The following GPR89B variants were observed in gnomAD, a reference collection of about 807,000 sequenced individuals.
GPR89B encodes G protein-coupled receptor 89B.
A neutral mutation model predicts 52.4 loss-of-function variants in GPR89B; 25 were observed. The observed-to-expected ratio is 0.48, with a 90% CI of 0.35 to 0.67. The LOEUF (loss-of-function observed/expected upper bound fraction) is 0.67, where lower values mean the gene tolerates loss of function less well. Ranked by LOEUF, GPR89B falls within the 30% of genes least tolerant of loss-of-function variation. The pLI is 0.01. For missense variants in GPR89B, 146 were observed against 450.2 expected, an observed-to-expected ratio of 0.32 and a Z score of 6.11; for synonymous variants, 52 against 151.2, an observed-to-expected ratio of 0.34 and a Z score of 4.81.
the GPR89B span, chr1:148,014,417 A>C: frequency 4.0e-5 from 6 of 151,256 alleles, no homozygotes; most frequent in Non-Finnish European, 7.4e-5. Flanking sequence ...GCATGTCAGG[A>C]GAGTGAGTGC....
chr1:147,957,696 C>T (rs2149063961), intron 7 of GPR89B, among the ~76,000 whole-genome samples: 1 of 151,644 alleles, frequency 6.6e-6, no homozygotes, highest in East Asian at 1.9e-4. Context: ...TTTCACATTT[C>T]ATATTTCCTT....
intron 7 of GPR89B, among the ~76,000 whole-genome samples, chr1:147,959,123 A>G (rs1656348699): frequency 6.6e-6 from 1 of 152,186 alleles, no homozygotes; most frequent in African/African-American, 2.4e-5. Flanking sequence ...CCATAGTGAG[A>G]TGACATACAA....
At chr1:147,959,668 C>T (rs1278022815) in intron 7 of GPR89B, among the ~76,000 whole-genome samples, 13 of 152,048 alleles carry the variant, frequency 8.5e-5, no homozygotes, top group Non-Finnish European at 1.6e-4. Context: ...TATCCAAAAT[C>T]TCAGTATAAA....
Position 147,949,320 on chromosome 1 carries a change from C to T in GPR89B, c.416-4025C>T, listed in dbSNP as rs587616162. ...GGTGGCTGGGCAGAGGGGCTCCTCA[C>T]TTCCCAGTAGGGGCGGCCGGGCAGA... On this transcript the variant is annotated intron_variant, in intron 5 of 13. Coordinates refer to ENST00000314163, the MANE Select transcript of GPR89B (RefSeq NM_016334.5). 3.0e-3 allele frequency among the ~76,000 whole-genome samples: 450 copies of T among 150,504 alleles called. 4 individuals carry two copies. Among genetic ancestry groups the T allele is most frequent in the Non-Finnish European group, 4.3e-3 (290 of 67,760 alleles).
chr1:147,935,702 C>A (rs1407079157), intron 1 of GPR89B, among the ~76,000 whole-genome samples: 1 of 152,050 alleles, frequency 6.6e-6, no homozygotes, highest in Non-Finnish European at 1.5e-5. Flanking sequence ...GTCTCAACTC[C>A]TCTCCCCTGA....
At chr1:147,998,863 A>G in the GPR89B span, among the ~76,000 whole-genome samples, 1 of 145,898 alleles carries the variant, frequency 6.9e-6, no homozygotes, top group Non-Finnish European at 1.5e-5. Flanking sequence ...CTTGGACAAC[A>G]GCGGGAGACT....
chr1:147,936,516 C>T, intron 1 of GPR89B, 111 bp from the exon 2 acceptor site: 1 of 716,822 alleles, frequency 1.4e-6, no homozygotes. Flanking sequence ...ATCTTTAATC[C>T]CTGAAATAAG....
intron 5 of GPR89B, among the ~76,000 whole-genome samples, chr1:147,950,946 TGGGGAGAGGGAGATG>T (rs1226657553): frequency 1.0e-4 from 15 of 150,666 alleles, no homozygotes; most frequent in Middle Eastern, 6.8e-3. Context: ...AGGGAGACCG[TGGGGAGAGGGAGATG>T]GGGGAGAGGG....
the GPR89B span, chr1:148,021,867 C>G: frequency 6.8e-6 from 1 of 147,024 alleles, no homozygotes; most frequent in Non-Finnish European, 1.5e-5. Context: ...AGGAAAGCCC[C>G]GCGATCATCC....
intron 5 of GPR89B, among the ~76,000 whole-genome samples, chr1:147,952,255 C>A (rs1358951068): frequency 6.6e-6 from 1 of 151,966 alleles, no homozygotes; most frequent in Non-Finnish European, 1.5e-5. Context: ...TTTGAGGCAG[C>A]AAAACATGGG....
intron 10 of GPR89B, among the ~76,000 whole-genome samples, chr1:147,981,318 G>GACACACACACACACACACACACAC (rs1189035337): frequency 6.7e-5 from 10 of 149,264 alleles, no homozygotes; most frequent in African/African-American, 2.5e-4. Context: ...CTCCCTCCCC[G>GACACACACACACACACACACACAC]ACACACACAC....
At chr1:147,969,456 A>G (rs1657263842) in intron 9 of GPR89B, 1 of 196,542 alleles carries the variant, frequency 5.1e-6, no homozygotes, top group African/African-American at 2.4e-5. Flanking sequence ...GCAAACTTTT[A>G]ATTCTTTTTG....
rs587773581 is a variant in GPR89B, at chr1:147,949,996, G to A, written c.416-3349G>A. Among the ~76,000 whole-genome samples the A allele has an allele frequency of 2.4e-3, 352 of 144,160 alleles. 7 individuals carry two copies. Among genetic ancestry groups the A allele is most frequent in the African/African-American group, 8.1e-3 (308 of 37,798 alleles). 94.6% of individuals were successfully genotyped at this position (144,160 alleles called of 152,430 possible). A position where few individuals can be genotyped will look rare whatever the true frequency, so the allele number is the denominator to read the frequency against. On this transcript the variant is annotated intron_variant, in intron 5 of 13. Coordinates refer to ENST00000314163, the MANE Select transcript of GPR89B (RefSeq NM_016334.5). ...GGGCTGACCCCCCCACCTCCCTCCC[G>A]GACGGGGCGGCTGGCCGGGCGGGGG...
chr1:147,959,880 A>G (rs1410135899), intron 7 of GPR89B, among the ~76,000 whole-genome samples: 11 of 151,178 alleles, frequency 7.3e-5, no homozygotes, highest in Non-Finnish European at 1.0e-4. Flanking sequence ...AGTTTGGATG[A>G]CAGAAAGTGA....
chr1:147,952,601 A>G (rs1449776092), intron 5 of GPR89B, among the ~76,000 whole-genome samples: 20 of 152,260 alleles, frequency 1.3e-4, no homozygotes, highest in African/African-American at 4.6e-4. Flanking sequence ...CTATCCTAGA[A>G]ATAGAAAGTG....
At chr1:147,946,720 C>G (rs1349431758) in intron 5 of GPR89B, among the ~76,000 whole-genome samples, 6 of 152,162 alleles carry the variant, frequency 3.9e-5, no homozygotes, top group Non-Finnish European at 7.3e-5. Context: ...CAGGCTGCAC[C>G]AGAGGGAAGA....
intron 5 of GPR89B, among the ~76,000 whole-genome samples, chr1:147,951,342 T>C (rs782552022): frequency 1.3e-5 from 2 of 151,410 alleles, no homozygotes; most frequent in Non-Finnish European, 2.9e-5. Flanking sequence ...TTACCTATTA[T>C]ATTGCCATTA....
the GPR89B span, among the ~76,000 whole-genome samples, chr1:148,015,599 C>G: frequency 6.7e-5 from 10 of 148,256 alleles, no homozygotes; most frequent in African/African-American, 2.2e-4. Flanking sequence ...CAGGCTTGAG[C>G]CACCGCGCCC....
chr1:147,941,062 G>C (rs1185107422), intron 3 of GPR89B, among the ~76,000 whole-genome samples: 2 of 149,168 alleles, frequency 1.3e-5, no homozygotes, highest in Non-Finnish European at 3.0e-5. Context: ...TATGAACCTT[G>C]ATGATGTATA....
Sources: gnomAD v4.1 joint callset for allele counts (sites outside exome capture counted in the v4.1 genomes callset) on GRCh38, gnomAD v4.1.1 for gene constraint, MANE v1.5 for transcripts, NCBI Gene and HGNC (gene_info 2026-07-23, HGNC 2026-07-21) for gene names.